ATP10B: variants seen among roughly 807,000 people sequenced by gnomAD.
ATP10B encodes ATPase phospholipid transporting 10B (putative).
In ATP10B, 122 loss-of-function variants were observed where a neutral mutation model predicts 141.2. The observed-to-expected ratio is 0.86, with a 90% CI of 0.75 to 1.00. ATP10B has a LOEUF of 1.00. Among genes scored for constraint, ATP10B ranks in the 50% least tolerant of loss-of-function variants. The probability of loss-of-function intolerance (pLI) is 0.00; values close to 1 mark genes in which losing one functional copy is unlikely to be tolerated. For synonymous variants in ATP10B, 685 were observed against 692.0 expected (o/e 0.99, Z 0.16); for missense variants, 1,876 against 1,825.3 (o/e 1.03, Z -0.51).
chr5:160,820,801 T>G (rs1447141096), intron 1 of ATP10B, among the ~76,000 whole-genome samples: 1 of 152,132 alleles, frequency 6.6e-6, no homozygotes, highest in Non-Finnish European at 1.5e-5. Context: ...CATATGGCCA[T>G]TTCTATTGAT....
At chr5:160,609,384 T>TA (rs1757583881) in intron 18 of ATP10B, among the ~76,000 whole-genome samples, 1 of 148,008 alleles carries the variant, frequency 6.8e-6, no homozygotes, top group African/African-American at 2.5e-5. Flanking sequence ...ATAACTTATT[T>TA]TTTTTTTTTT....
chr5:160,858,812 AT>A, the ATP10B span, among the ~76,000 whole-genome samples: 1 of 151,728 alleles, frequency 6.6e-6, no homozygotes, highest in Non-Finnish European at 1.5e-5. Context: ...TAGTTTTATC[AT>A]TTTACCAGTT....
At chr5:160,627,751 TC>T (rs1216550565) in intron 13 of ATP10B, among the ~76,000 whole-genome samples, 4 of 152,198 alleles carry the variant, frequency 2.6e-5, no homozygotes, top group African/African-American at 9.7e-5. Context: ...TAGGAAATAT[TC>T]TTTAAAATTC....
At chr5:160,595,667 A>G (rs561996510) in intron 22 of ATP10B, among the ~76,000 whole-genome samples, 1 of 149,872 alleles carries the variant, frequency 6.7e-6, no homozygotes, top group Non-Finnish European at 1.5e-5. Context: ...AGAAAAAAAG[A>G]GAGAAGAATC....
At chr5:160,604,112 T>C (rs1337862492) in intron 19 of ATP10B, 71 bp from the exon 20 acceptor site, 8 of 1,103,044 alleles carry the variant, frequency 7.3e-6, no homozygotes, top group Non-Finnish European at 1.1e-5. Context: ...AGCTCTAAAG[T>C]GTCCCCAGTT....
chr5:160,795,669 A>T (rs1771894745), intron 1 of ATP10B, among the ~76,000 whole-genome samples: 1 of 151,878 alleles, frequency 6.6e-6, no homozygotes, highest in Admixed American at 6.6e-5. Context: ...GGTGGGTCCT[A>T]AATCCAATGA....
the ATP10B span, among the ~76,000 whole-genome samples, chr5:160,864,684 T>C: frequency 6.6e-6 from 1 of 151,958 alleles, no homozygotes; most frequent in East Asian, 1.9e-4. Context: ...CTTAAAGACT[T>C]ATCCAAAAAG....
chr5:160,573,948 T>G (rs1448751330), intron 24 of ATP10B, among the ~76,000 whole-genome samples: 3 of 152,212 alleles, frequency 2.0e-5, no homozygotes, highest in Non-Finnish European at 2.9e-5. Flanking sequence ...CACATATATG[T>G]GTGCAAGAGT....
chr5:160,762,952 G>C (rs1769149113), intron 2 of ATP10B, among the ~76,000 whole-genome samples: 1 of 151,956 alleles, frequency 6.6e-6, no homozygotes, highest in African/African-American at 2.4e-5. Context: ...AGAAACAACA[G>C]CTAAAAAAGG....
rs550657521 is a variant in ATP10B, at chr5:160,635,159, A to G, written c.1129-553T>C. Among the ~76,000 whole-genome samples, 2 of 152,342 alleles carry G rather than the reference A, an allele frequency of 1.3e-5. 1 individual carries two copies. The highest frequency in any genetic ancestry group is 1.3e-4 in the Admixed American group (2 of 15,296). On this transcript the variant is annotated intron_variant, in intron 11 of 25. Transcript: ENST00000327245. ...TGAGGAAGAATAAAGAAAAGAGGGT[A>G]GACTGATGGCTGGGTGGGATGCTTG...
At chr5:160,834,559 T>A (rs1775301442) in intron 1 of ATP10B, among the ~76,000 whole-genome samples, 1 of 152,086 alleles carries the variant, frequency 6.6e-6, no homozygotes, top group Non-Finnish European at 1.5e-5. Flanking sequence ...TGAAATGCTA[T>A]TGATGGAGAT....
In ATP10B at chr5:160,743,640, A is replaced by G. The variant is rs568837167; in HGVS notation, c.-330-26606T>C. Among the ~76,000 whole-genome samples, 5 of 152,318 alleles carry G rather than the reference A, an allele frequency of 3.3e-5. No homozygotes were observed. The South Asian group carries it at 1.0e-3, about 32-fold the overall frequency. On this transcript the variant is annotated intron_variant, in intron 2 of 25. Coordinates refer to ENST00000327245, the MANE Select transcript of ATP10B (RefSeq NM_025153.3). ...CTATGATCTTGGTCTCAATCTATGA[A>G]CCAGGGCGTCTAGACAAAGGATATG...
chr5:160,594,981 C>G (rs1194022585), intron 22 of ATP10B, among the ~76,000 whole-genome samples: 1 of 152,156 alleles, frequency 6.6e-6, no homozygotes, highest in Non-Finnish European at 1.5e-5. Flanking sequence ...TTAGACAGAT[C>G]AATGAGACAG....
intron 2 of ATP10B, among the ~76,000 whole-genome samples, chr5:160,767,605 C>G (rs1262216819): frequency 6.9e-6 from 1 of 145,892 alleles, no homozygotes; most frequent in Non-Finnish European, 1.5e-5. Flanking sequence ...CACTTTGCTT[C>G]CAATATGGTG....
chr5:160,687,916 G>A lies in ATP10B; in HGVS notation c.159C>T (p.Ser53=). The A allele has an allele frequency of 6.2e-7, 1 of 1,614,150 alleles. No individual in the cohort carries two copies. Among genetic ancestry groups the A allele is most frequent in the Non-Finnish European group, 8.5e-7 (1 of 1,180,032 alleles). The change falls in exon 5 of 26, where the codon AGC becomes AGT. Residue 53 remains serine, a synonymous_variant. Transcript: ENST00000327245. ...TQQRVVFPNN[S]IFHQDWEEVS... ...CCTCTTCCCAATCTTGATGGAATAT[G>A]CTGTTGTTGGGGAACACGACCCGCT... is the stretch of plus-strand genomic sequence containing the variant.
At chr5:160,624,583 T>G (rs1758516255) in intron 13 of ATP10B, among the ~76,000 whole-genome samples, 1 of 152,222 alleles carries the variant, frequency 6.6e-6, no homozygotes, top group Non-Finnish European at 1.5e-5. Context: ...TCCAAAATCC[T>G]GAGAAGGGCA....
the ATP10B span, among the ~76,000 whole-genome samples, chr5:160,918,864 G>A: frequency 6.6e-6 from 1 of 152,124 alleles, no homozygotes; most frequent in East Asian, 1.9e-4. Context: ...AAGCTTAGAG[G>A]TAGAAAATGA....
At chr5:160,798,825 A>G (rs947181904) in intron 1 of ATP10B, among the ~76,000 whole-genome samples, 1 of 140,206 alleles carries the variant, frequency 7.1e-6, no homozygotes, top group African/African-American at 2.7e-5. Flanking sequence ...ATCTCAGCTC[A>G]CTGCAACCTC....
chr5:160,705,870 T>A (rs1286196490), intron 3 of ATP10B, among the ~76,000 whole-genome samples: 2 of 152,248 alleles, frequency 1.3e-5, no homozygotes, highest in African/African-American at 4.8e-5. Flanking sequence ...GCATTCCTCA[T>A]GAAGGTTAAT....
Sources: allele counts gnomAD v4.1 joint callset (sites outside exome capture counted in the v4.1 genomes callset), GRCh38; gene constraint gnomAD v4.1.1; transcripts MANE v1.5; gene names NCBI Gene and HGNC (gene_info 2026-07-23, HGNC 2026-07-21).